KDM4A: variants seen among roughly 807,000 people sequenced by gnomAD.
KDM4A encodes lysine demethylase 4A, also known as lysine-specific demethylase 4A.
KDM4A carries 23 observed loss-of-function variants against 127.1 expected under a neutral mutation model. The ratio of observed to expected loss-of-function variants is 0.18; its 90% confidence interval spans 0.13 to 0.26. The LOEUF is 0.26. Among genes scored for constraint, KDM4A ranks in the 10% least tolerant of loss-of-function variants. The probability of loss-of-function intolerance (pLI) is 1.00; values close to 1 mark genes in which losing one functional copy is unlikely to be tolerated. For missense variants in KDM4A, 890 were observed against 1,329.1 expected (o/e 0.67, Z 5.14); for synonymous variants, 443 against 466.5 (o/e 0.95, Z 0.65).
chr1:43,683,631 T>C, intron 11 of KDM4A, 53 bp from the exon 12 acceptor site: 2 of 1,586,328 alleles, frequency 1.3e-6, no homozygotes, highest in Non-Finnish European at 1.7e-6. Flanking sequence ...GGGTGACTTG[T>C]GCTGTGTCTC....
chr1:43,673,068 C>G (rs1235287201), intron 11 of KDM4A, among the ~76,000 whole-genome samples: 1 of 152,108 alleles, frequency 6.6e-6, no homozygotes, highest in African/African-American at 2.4e-5. Flanking sequence ...TCCTTAAATA[C>G]ATGTTGTCAC....
At chr1:43,680,713 C>G (rs936719617) in intron 11 of KDM4A, among the ~76,000 whole-genome samples, 1 of 152,242 alleles carries the variant, frequency 6.6e-6, no homozygotes, top group Non-Finnish European at 1.5e-5. Context: ...GCAGCGGCAT[C>G]CAGCCAAGTG....
At position 43,697,944 on chromosome 1, in the gene KDM4A, C is replaced by T. The variant is rs151276507; in HGVS notation, c.2772C>T (p.Thr924=). The change falls in exon 19 of 22, where the codon ACC becomes ACT. Residue 924 remains threonine (T), a synonymous_variant. Transcript: ENST00000372396. Reference sequence around the variant, plus strand: ...AGTGTGAAGTGGTCAGGCTCACCACCGAGACCTTCTATGAAGTCAACTTTG... The same window carrying T: ...AGTGTGAAGTGGTCAGGCTCACCACTGAGACCTTCTATGAAGTCAACTTTG... The part of the protein sequence containing the change: ...FYQCEVVRLT[T]ETFYEVNFDD... 1,013 of 1,613,956 alleles carry T rather than the reference C, an allele frequency of 6.3e-4. 6 individuals carry two copies. Among genetic ancestry groups the T allele is most frequent in the South Asian group, 5.9e-3 (537 of 91,072 alleles).
At chr1:43,668,617 G>A (rs1367822597) in intron 9 of KDM4A, among the ~76,000 whole-genome samples, 1 of 152,136 alleles carries the variant, frequency 6.6e-6, no homozygotes, top group East Asian at 1.9e-4. Context: ...GGCTCCCTCT[G>A]AGCCAGAAAA....
intron 11 of KDM4A, among the ~76,000 whole-genome samples, chr1:43,676,113 A>C (rs1218617364): frequency 1.3e-5 from 2 of 151,004 alleles, no homozygotes; most frequent in African/African-American, 4.9e-5. Context: ...AAAAGCAAGA[A>C]AGAAATGCAC....
chr1:43,704,137 G>C, intron 21 of KDM4A, 25 bp downstream of exon 21: 1 of 1,612,212 alleles, frequency 6.2e-7, no homozygotes, highest in Non-Finnish European at 8.5e-7. Context: ...TGTCCCCCCA[G>C]TTCCTGTCTT....
chr1:43,691,014 T>C lies in KDM4A; in HGVS notation c.2207T>C (p.Val736Ala). ...GAGGAGGATGGCACCAGCATACTCG[T>C]TTCCTGCAAGAAGTGCAGCGTCCGG... ...YLEEDGTSIL[V>A]SCKKCSVRVH... Residue 736 changes from valine to alanine, a missense_variant, in exon 14 of 22, where the codon GTT becomes GCT. Transcript: ENST00000372396. 3 of 1,614,202 alleles carry C rather than the reference T, an allele frequency of 1.9e-6. No homozygotes were observed. Among genetic ancestry groups the C allele is most frequent in the Non-Finnish European group, 2.5e-6 (3 of 1,180,024 alleles).
chr1:43,667,206 C>A, intron 8 of KDM4A, 115 bp downstream of exon 8: 1 of 1,186,958 alleles, frequency 8.4e-7, no homozygotes, highest in Non-Finnish European at 1.2e-6. Context: ...CAGAAACAAG[C>A]AGCTAGCAAT....
rs1174819013 is a variant in KDM4A at position 43,653,322 on chromosome 1, C to T, written c.138+9C>T. On this transcript the variant is annotated intron_variant, in intron 2 of 21. Transcript: ENST00000372396. ...GGGCAGGGCTAGCCAAGGTAAGGAG[C>T]TGGGATTGTTCAAATGGTTTTGTTA... The T allele has an allele frequency of 6.2e-7, 1 of 1,605,332 alleles. No homozygotes were observed. The highest frequency in any genetic ancestry group is 2.2e-5 in the East Asian group (1 of 44,670).
intron 19 of KDM4A, among the ~76,000 whole-genome samples, chr1:43,699,411 T>A (rs1466104258): frequency 6.6e-6 from 1 of 152,156 alleles, no homozygotes; most frequent in Non-Finnish European, 1.5e-5. Context: ...TGCTGTAATT[T>A]ATTAAGCTGG....
intron 12 of KDM4A, among the ~76,000 whole-genome samples, chr1:43,684,240 C>T (rs1660919588): frequency 6.6e-6 from 1 of 152,210 alleles, no homozygotes; most frequent in Non-Finnish European, 1.5e-5. Context: ...TGTGGTGGCT[C>T]ATGCCTGTAA....
At position 43,697,829 on chromosome 1, in the gene KDM4A, CTG is replaced by C. The variant is rs781065249; in HGVS notation, c.2671-12_2671-11del. ...CTCCACGTGTGAGTAACCAAAGCCT[CTG>C]TTTTTTTCCAGCGTGCCAAGGGGGC... On this transcript the variant is annotated splice_polypyrimidine_tract_variant and intron_variant, in intron 18 of 21. Transcript: ENST00000372396. 6.2e-7 allele frequency: 1 copy of C among 1,609,472 alleles called. No individual in the cohort carries two copies. The highest frequency in any genetic ancestry group is 1.1e-5 in the South Asian group (1 of 90,912).
intron 3 of KDM4A, 139 bp downstream of exon 3, chr1:43,655,905 CTT>C: frequency 1.7e-6 from 1 of 581,466 alleles, no homozygotes; most frequent in Non-Finnish European, 2.7e-6. Context: ...TCCCTTTCTG[CTT>C]TTTTTATGGA....
At chr1:43,666,739 C>G (rs930314455) in intron 7 of KDM4A, among the ~76,000 whole-genome samples, 184 bp downstream of exon 7, 5 of 152,164 alleles carry the variant, frequency 3.3e-5, no homozygotes, top group African/African-American at 1.2e-4. Context: ...AGAGGAGAGT[C>G]AGATCCCCTA....
chr1:43,681,050 CTA>C (rs1660845920), intron 11 of KDM4A, among the ~76,000 whole-genome samples: 1 of 152,158 alleles, frequency 6.6e-6, no homozygotes, highest in Non-Finnish European at 1.5e-5. Flanking sequence ...CCTTCTCAAA[CTA>C]TGATCTCATT....
chr1:43,679,298 A>G (rs1277682548), intron 11 of KDM4A, among the ~76,000 whole-genome samples: 2 of 152,182 alleles, frequency 1.3e-5, no homozygotes, highest in East Asian at 1.9e-4. Context: ...GGCTTGGCCT[A>G]TGAAACCCTC....
chr1:43,654,320 G>A (rs1316985552), intron 2 of KDM4A, among the ~76,000 whole-genome samples: 3 of 152,212 alleles, frequency 2.0e-5, no homozygotes, highest in Admixed American at 6.5e-5. Flanking sequence ...GTCTCCTTAA[G>A]TGGTATTAGC....
chr1:43,666,441 C>T lies in KDM4A; in HGVS notation c.674-11C>T. 6.2e-7 allele frequency: 1 copy of T among 1,611,688 alleles called. No individual in the cohort carries two copies. The highest frequency in any genetic ancestry group is 8.5e-7 in the Non-Finnish European group (1 of 1,177,806). On this transcript the variant is annotated splice_polypyrimidine_tract_variant and intron_variant, in intron 6 of 21. Transcript: ENST00000372396. Reference sequence around the variant, plus strand: ...AGCACTGTGTTAACCTGTACCCTTTCAATTAAATAGGCTTTTTCCCAGGAA... The same window carrying T: ...AGCACTGTGTTAACCTGTACCCTTTTAATTAAATAGGCTTTTTCCCAGGAA...
intron 6 of KDM4A, 87 bp from the exon 7 acceptor site, chr1:43,666,365 C>A: frequency 1.9e-6 from 2 of 1,032,810 alleles, no homozygotes; most frequent in East Asian, 2.4e-5. Flanking sequence ...TTTATCATTC[C>A]GATGAGAAGC....
Sources: gnomAD v4.1 joint callset for allele counts (sites outside exome capture counted in the v4.1 genomes callset) on GRCh38, gnomAD v4.1.1 for gene constraint, MANE v1.5 for transcripts, NCBI Gene and HGNC (gene_info 2026-07-23, HGNC 2026-07-21) for gene names.